PRMT8: variants seen among roughly 807,000 people sequenced by gnomAD.
The protein encoded by PRMT8 is protein arginine N-methyltransferase 8.
In PRMT8, 7 loss-of-function variants were observed where a neutral mutation model predicts 47.1. The ratio of observed to expected loss-of-function variants is 0.15; its 90% CI spans 0.08 to 0.28. The LOEUF is 0.28. PRMT8 is among the 10% of genes least tolerant of loss of function. The pLI is 1.00. For missense variants in PRMT8, 237 were observed against 505.4 expected, an observed-to-expected ratio of 0.47 and a Z score of 5.09; for synonymous variants, 188 against 186.5, an observed-to-expected ratio of 1.01 and a Z score of -0.07.
Position 3,535,374 on chromosome 12 carries a change from T to C in PRMT8, c.76-5232T>C, listed in dbSNP as rs1472287950. 6.6e-6 allele frequency among the ~76,000 whole-genome samples: 1 copy of C among 152,166 alleles called. No individual in the cohort carries two copies. The highest frequency in any genetic ancestry group is 2.4e-5 in the African/African-American group (1 of 41,436). The stretch of plus-strand genomic sequence containing the variant: ...TAAGGCCAGTCTGGGGGCGGAACAC[T>C]GTGTTGGGGGAGTCCTGATCAGCCG... On this transcript the variant is annotated intron_variant, in intron 1 of 9. Coordinates refer to ENST00000382622, the MANE Select transcript of PRMT8 (RefSeq NM_019854.5). This position sits in a 1 kb window ranked among gnomAD's most constrained non-coding sequence, Gnocchi z 4.7.
intron 8 of PRMT8, among the ~76,000 whole-genome samples, chr12:3,586,955 G>C (rs369305956): frequency 1.8e-4 from 27 of 152,180 alleles, no homozygotes; most frequent in Admixed American, 1.8e-3. Flanking sequence ...GCGTGTCAGC[G>C]TGGGGGCTCT....
intron 7 of PRMT8, among the ~76,000 whole-genome samples, chr12:3,578,230 AT>A (rs1246195301): frequency 8.7e-5 from 13 of 149,310 alleles, no homozygotes; most frequent in East Asian, 1.9e-4. Flanking sequence ...ACCACAAGCT[AT>A]TTTTTTTTTG....
Position 3,540,620 on chromosome 12 carries a change from C to CGG in PRMT8, c.90_91insGG (p.Ser31GlyfsTer36). On this transcript the variant is annotated frameshift_variant, in exon 2 of 10. Transcript: ENST00000382622. LOFTEE classifies it high-confidence loss of function. The stretch of plus-strand genomic sequence containing the variant: ...CTTCCCCTCAGGTGAACAGCCCCCC[C>CGG]TCCCAGCCCCCCCAGCCCGTCGTCC... 5.9e-5 allele frequency: 73 copies of CGG among 1,231,702 alleles called. No individual in the cohort carries two copies. The highest frequency in any genetic ancestry group is 8.1e-5 in the Non-Finnish European group (68 of 842,206). The allele number at this position is 1,231,702 out of a possible 1,614,324, so 76.3% of individuals were successfully genotyped here. A position where few individuals can be genotyped will look rare whatever the true frequency, so the allele number is the denominator to read the frequency against.
chr12:3,583,242 C>A lies in PRMT8; in HGVS notation c.979+34C>A. ...TTTGTTGCTTCCCAGAGCCTCCTCC[C>A]TCTCCCATGCTTCCTCAAGTCTTTG... On this transcript the variant is annotated intron_variant, in intron 8 of 9. Transcript: ENST00000382622. This position sits in a 1 kb window ranked among gnomAD's most constrained non-coding sequence, Gnocchi z 4.7. The A allele has an allele frequency of 6.3e-7, 1 of 1,579,826 alleles. No individual in the cohort carries two copies. Among genetic ancestry groups the A allele is most frequent in the Non-Finnish European group, 8.6e-7 (1 of 1,161,202 alleles).
chr12:3,437,345 T>G (rs2137071947), intron 1 of PRMT8, among the ~76,000 whole-genome samples: 1 of 152,198 alleles, frequency 6.6e-6, no homozygotes, highest in African/African-American at 2.4e-5. Context: ...TTGTACAATT[T>G]AGTTTTATAT....
chr12:3,537,274 A>G (rs1866135434), intron 1 of PRMT8, among the ~76,000 whole-genome samples: 1 of 152,220 alleles, frequency 6.6e-6, no homozygotes, highest in East Asian at 1.9e-4. Context: ...ATGAGGTTAA[A>G]CATTTTTGTT....
chr12:3,442,608 G>C (rs1864815018), intron 1 of PRMT8, among the ~76,000 whole-genome samples: 1 of 152,172 alleles, frequency 6.6e-6, no homozygotes. Context: ...TGAGGCTAGG[G>C]AGCCCAGGCC....
intron 1 of PRMT8, among the ~76,000 whole-genome samples, chr12:3,383,700 CT>C (rs1421686776): frequency 6.6e-6 from 1 of 152,208 alleles, no homozygotes; most frequent in African/African-American, 2.4e-5. Context: ...GAGAAATAAA[CT>C]TTTGTTGTTT....
At chr12:3,473,805 G>T (rs113362097) in intron 1 of PRMT8, among the ~76,000 whole-genome samples, 69 of 152,140 alleles carry the variant, frequency 4.5e-4, no homozygotes, top group Middle Eastern at 3.4e-3. Flanking sequence ...CCCCAGCCCC[G>T]CCTTAGTTTA....
intron 2 of PRMT8, among the ~76,000 whole-genome samples, chr12:3,545,943 T>C (rs1866321255): frequency 6.6e-6 from 1 of 152,244 alleles, no homozygotes; most frequent in African/African-American, 2.4e-5. Context: ...GAACATTCAC[T>C]AAGATAGATC....
intron 1 of PRMT8, among the ~76,000 whole-genome samples, chr12:3,536,227 G>A (rs183438501): frequency 5.3e-5 from 8 of 152,302 alleles, no homozygotes; most frequent in African/African-American, 1.4e-4. Context: ...CACAGGCCAC[G>A]GCTGCTTCCC....
At chr12:3,487,680 T>C (rs1292574652), upstream of PRMT8, among the ~76,000 whole-genome samples, 3 of 152,238 alleles carry the variant, frequency 2.0e-5, no homozygotes, top group East Asian at 5.8e-4. Flanking sequence ...ATTGTAACCC[T>C]CCCCAAGGGT....
At chr12:3,431,705 T>TTTGA (rs1419111244) in intron 1 of PRMT8, among the ~76,000 whole-genome samples, 1 of 152,170 alleles carries the variant, frequency 6.6e-6, no homozygotes, top group African/African-American at 2.4e-5. Context: ...AGAAGCTCCC[T>TTTGA]TCTAGAGACA....
intron 1 of PRMT8, among the ~76,000 whole-genome samples, chr12:3,403,876 C>A (rs1445727824): frequency 7.1e-4 from 53 of 75,176 alleles, no homozygotes; most frequent in African/African-American, 1.1e-3. Context: ...GACTCTGTCT[C>A]AAAAAAAAAA....
chr12:3,528,231 C>T lies in PRMT8; in HGVS notation c.76-12375C>T, dbSNP rs150210728. ...AATTTGGAAGATGAAACTCTAAAGCCGTATTTCTTTAAATATTTTTGTGTC... is the reference window on the plus strand; with the variant it reads ...AATTTGGAAGATGAAACTCTAAAGCTGTATTTCTTTAAATATTTTTGTGTC... On this transcript the variant is annotated intron_variant, in intron 1 of 9. Transcript: ENST00000382622. Among the ~76,000 whole-genome samples the T allele has an allele frequency of 2.3e-3, 344 of 152,110 alleles. 1 individual carries two copies. Among genetic ancestry groups the T allele is most frequent in the African/African-American group, 4.8e-3 (200 of 41,500 alleles).
chr12:3,580,337 C>CGT lies in PRMT8; in HGVS notation c.829-2692_829-2691dup, dbSNP rs57739335. Among the ~76,000 whole-genome samples the CGT allele has an allele frequency of 0.26, 37,563 of 145,394 alleles. 4,822 individuals carry two copies. Among genetic ancestry groups the CGT allele is most frequent in the Middle Eastern group, 0.39 (109 of 276 alleles). On this transcript the variant is annotated intron_variant, in intron 7 of 9. Coordinates refer to ENST00000382622, the MANE Select transcript of PRMT8 (RefSeq NM_019854.5). The surrounding 1 kb of genome is among the most constrained non-coding windows in gnomAD (Gnocchi z 4.6). The stretch of plus-strand genomic sequence containing the variant: ...TCCTGCCAGATGGGGGGTGCGTGTG[C>CGT]GTGTGTGTGTGTGTGTGTGTGTGTG...
chr12:3,439,343 G>A (rs1864774981), intron 1 of PRMT8, among the ~76,000 whole-genome samples: 1 of 152,086 alleles, frequency 6.6e-6, no homozygotes, highest in South Asian at 2.1e-4. Flanking sequence ...TTCTCTCCCT[G>A]TCTCTCCTGG....
rs550813228 is a variant in PRMT8 at position 3,464,094 on chromosome 12, C to A, written c.49-76512C>A. ...TGGAATGACTAAGCGGGGAGGGGAT[C>A]TTTAGCGACCTTTGAGAGCAATGTG... On this transcript the variant is annotated intron_variant, in intron 1 of 9. Coordinates refer to the PRMT8 transcript ENST00000452611. Among the ~76,000 whole-genome samples the A allele has an allele frequency of 7.0e-4, 106 of 152,206 alleles. 1 individual carries two copies. The highest frequency in any genetic ancestry group is 2.5e-3 in the African/African-American group (103 of 41,544).
At chr12:3,586,630 C>T (rs1867180511) in intron 8 of PRMT8, among the ~76,000 whole-genome samples, 1 of 152,200 alleles carries the variant, frequency 6.6e-6, no homozygotes, top group Non-Finnish European at 1.5e-5. Flanking sequence ...CCCTGGACCT[C>T]CTGAATCAGA....
Sources: gnomAD v4.1 joint callset for allele counts (sites outside exome capture counted in the v4.1 genomes callset) on GRCh38, gnomAD v4.1.1 for gene constraint, Gnocchi (gnomAD v3.1) non-coding constraint, MANE v1.5 for transcripts, NCBI Gene and HGNC (gene_info 2026-07-23, HGNC 2026-07-21) for gene names.